Variants in DLGAP2 observed in about 807,000 individuals in gnomAD.
DLGAP2 encodes the protein DLG associated protein 2, also known as disks large-associated protein 2.
In DLGAP2, 26 loss-of-function variants were observed where a neutral mutation model predicts 100.3. The observed-to-expected ratio is 0.26, with a 90% CI of 0.19 to 0.36. The LOEUF (loss-of-function observed/expected upper bound fraction) is 0.36. Among genes scored for constraint, DLGAP2 ranks in the 10% least tolerant of loss-of-function variants. The pLI is 1.00. For synonymous variants in DLGAP2, 886 were observed against 630.1 expected (o/e 1.41, Z -6.08); for missense variants, 1,858 against 1,453.2 (o/e 1.28, Z -4.53).
At chr8:892,394 C>G (rs1472253197) in intron 1 of DLGAP2, among the ~76,000 whole-genome samples, 1 of 152,098 alleles carries the variant, frequency 6.6e-6, no homozygotes, top group Admixed American at 6.6e-5. Flanking sequence ...CCCGACGAGG[C>G]TATGGGGTGG....
intron 6 of DLGAP2, among the ~76,000 whole-genome samples, chr8:1,578,805 C>T (rs933396846): frequency 6.6e-6 from 1 of 152,160 alleles, no homozygotes; most frequent in African/African-American, 2.4e-5. Flanking sequence ...AAATCCTGTC[C>T]CACCTGTCTC....
At chr8:995,289 G>T (rs1296686571) in intron 2 of DLGAP2, among the ~76,000 whole-genome samples, 2 of 152,178 alleles carry the variant, frequency 1.3e-5, no homozygotes, top group Admixed American at 1.3e-4. Flanking sequence ...TCTGGTTTCT[G>T]TGACATCAGT....
intron 3 of DLGAP2, among the ~76,000 whole-genome samples, chr8:1,344,198 G>GGGGCCCTGTCGTGGGTCCATGTATTCA (rs1801501306): frequency 8.4e-6 from 1 of 119,662 alleles, no homozygotes; most frequent in Admixed American, 8.1e-5. Flanking sequence ...CCGTGTACTC[G>GGGGCCCTGTCGTGGGTCCATGTATTCA]GGGCCCTGTC....
At chr8:1,507,239 G>A (rs766058983) in intron 4 of DLGAP2, among the ~76,000 whole-genome samples, 7 of 152,354 alleles carry the variant, frequency 4.6e-5, no homozygotes, top group East Asian at 1.9e-4. Context: ...TGGGCCGCGC[G>A]GGAGCCCACC....
chr8:911,346 G>T (rs1451152124), intron 2 of DLGAP2, among the ~76,000 whole-genome samples: 1 of 151,820 alleles, frequency 6.6e-6, no homozygotes, highest in East Asian at 1.9e-4. Flanking sequence ...CATGTATAAC[G>T]TACATTGGGA....
chr8:1,050,880 T>C (rs991346884), intron 2 of DLGAP2, among the ~76,000 whole-genome samples: 1 of 151,840 alleles, frequency 6.6e-6, no homozygotes, highest in Non-Finnish European at 1.5e-5. Context: ...TGTGATGAGC[T>C]TGTGTGACCT....
At chr8:1,339,307 C>T (rs1439676245) in intron 3 of DLGAP2, among the ~76,000 whole-genome samples, 1 of 150,750 alleles carries the variant, frequency 6.6e-6, no homozygotes, top group Non-Finnish European at 1.5e-5. Context: ...GGCATCAGGA[C>T]CCGGGAGGGA....
chr8:1,387,940 C>A (rs188894460), intron 3 of DLGAP2, among the ~76,000 whole-genome samples: 4 of 152,184 alleles, frequency 2.6e-5, no homozygotes, highest in African/African-American at 4.8e-5. Flanking sequence ...GTTAGGGTTA[C>A]GGGTGGGTTA....
intron 2 of DLGAP2, among the ~76,000 whole-genome samples, chr8:944,382 C>T (rs1388654311): frequency 6.6e-6 from 1 of 151,584 alleles, no homozygotes; most frequent in African/African-American, 2.4e-5. Flanking sequence ...TGAGTGGTAA[C>T]CAATCCCTGT....
chr8:1,687,992 G>A (rs999675190), intron 12 of DLGAP2, among the ~76,000 whole-genome samples: 1 of 151,998 alleles, frequency 6.6e-6, no homozygotes, highest in Admixed American at 6.5e-5. Context: ...CGTCATCAGC[G>A]AGTCCAGGGC....
intron 4 of DLGAP2, among the ~76,000 whole-genome samples, chr8:1,522,134 C>A (rs564258628): frequency 6.6e-6 from 1 of 152,260 alleles, no homozygotes; most frequent in South Asian, 2.1e-4. Flanking sequence ...CCTCGGGTGG[C>A]ACGTGGTGTG....
intron 1 of DLGAP2, among the ~76,000 whole-genome samples, chr8:776,563 T>G (rs1327788292): frequency 6.6e-6 from 1 of 152,224 alleles, no homozygotes; most frequent in Admixed American, 6.5e-5. Context: ...TTTGTTCTCT[T>G]GGTTTCAAAG....
chr8:947,636 C>T (rs1036512697), intron 2 of DLGAP2, among the ~76,000 whole-genome samples: 1 of 152,216 alleles, frequency 6.6e-6, no homozygotes, highest in African/African-American at 2.4e-5. Context: ...TCACCACCTC[C>T]ACGCGCGGCG....
chr8:868,193 A>C (rs1184096894), intron 1 of DLGAP2, among the ~76,000 whole-genome samples: 8 of 152,218 alleles, frequency 5.3e-5, no homozygotes, highest in Non-Finnish European at 1.0e-4. Flanking sequence ...GAGAGGAAGA[A>C]GATTGTTTTT....
In DLGAP2 at chr8:1,548,824, C is replaced by G. The variant is rs1801646618; in HGVS notation, c.371C>G (p.Pro124Arg). Reference protein sequence around the residue: ...PDARPPYLLSPADSCPGGRHR... With the variant: ...PDARPPYLLSRADSCPGGRHR... Reference sequence around the variant, plus strand: ...GCGCGGCCGCCCTACCTGCTGAGCCCCGCCGACAGCTGCCCCGGGGGGCGC... The same window carrying G: ...GCGCGGCCGCCCTACCTGCTGAGCCGCGCCGACAGCTGCCCCGGGGGGCGC... Residue 124 changes from proline to arginine, a missense_variant, in exon 5 of 15, where the codon CCC becomes CGC. By Grantham distance (103) the Pro-to-Arg change is moderately radical. Transcript: ENST00000637795. The G allele has an allele frequency of 6.3e-7, 1 of 1,579,582 alleles. No homozygotes were observed. The highest frequency in any genetic ancestry group is 1.7e-5 in the Admixed American group (1 of 58,182).
chr8:1,598,662 A>G (rs1041305869), intron 6 of DLGAP2, among the ~76,000 whole-genome samples: 4 of 152,078 alleles, frequency 2.6e-5, no homozygotes, highest in Admixed American at 1.3e-4. Context: ...AGAGGTGTTT[A>G]TAGTGTTCTC....
chr8:1,467,118 G>A (rs73534677), intron 3 of DLGAP2, among the ~76,000 whole-genome samples: 54 of 150,070 alleles, frequency 3.6e-4, no homozygotes, highest in African/African-American at 1.2e-3. Context: ...AGGGAGGGAG[G>A]GTCCGGCAGG....
At chr8:965,101 GC>G in intron 2 of DLGAP2, among the ~76,000 whole-genome samples, 1 of 143,390 alleles carries the variant, frequency 7.0e-6, no homozygotes, top group Non-Finnish European at 1.5e-5. Context: ...CATCACACAC[GC>G]GGCTCCAGAG....
chr8:1,541,894 C>A (rs1801372333), intron 4 of DLGAP2, among the ~76,000 whole-genome samples: 1 of 152,178 alleles, frequency 6.6e-6, no homozygotes, highest in Admixed American at 6.5e-5. Flanking sequence ...ACTGACTCCA[C>A]AATCATGGTC....
Sources: allele counts gnomAD v4.1 joint callset (sites outside exome capture counted in the v4.1 genomes callset), GRCh38; gene constraint gnomAD v4.1.1; transcripts MANE v1.5; gene names NCBI Gene and HGNC (gene_info 2026-07-23, HGNC 2026-07-21).